Variants in VWA3B observed in about 807,000 individuals in gnomAD.
VWA3B encodes von Willebrand factor A domain containing 3B.
Under a neutral mutation model 158.3 loss-of-function variants are expected in VWA3B, and 138 were observed. The ratio of observed to expected loss-of-function variants is 0.87; its 90% CI spans 0.76 to 1.00. The LOEUF is 1.00. Among genes scored for constraint, VWA3B ranks in the 50% least tolerant of loss-of-function variants. The pLI is 0.00. For missense variants in VWA3B, 1,555 were observed against 1,565.1 expected (o/e 0.99, Z 0.11); for synonymous variants, 596 against 587.3 (o/e 1.01, Z -0.21).
rs893115567 is a variant in VWA3B, at chr2:98,145,175, G to A, written c.988+11236G>A. On this transcript the variant is annotated intron_variant, in intron 7 of 27. Transcript: ENST00000477737. ...CCCTGGCCTACAGTGTACCCTTTCC[G>A]TCTGTATACTCCAGACTTCTATTTT... Among the ~76,000 whole-genome samples, 65 of 152,248 alleles carry A rather than the reference G, an allele frequency of 4.3e-4. 1 individual carries two copies. Among genetic ancestry groups the A allele is most frequent in the South Asian group, 2.3e-3 (11 of 4,824 alleles).
At chr2:98,330,362 C>T in the VWA3B span, among the ~76,000 whole-genome samples, 1 of 152,122 alleles carries the variant, frequency 6.6e-6, no homozygotes, top group Non-Finnish European at 1.5e-5. Context: ...GAATAATTCT[C>T]TCTCCCCTCT....
Position 98,087,170 on chromosome 2 carries a change from G to C in VWA3B, c.-226G>C, listed in dbSNP as rs970368308. 9 of 152,246 alleles carry C rather than the reference G, an allele frequency of 5.9e-5. No individual in the cohort carries two copies. Among genetic ancestry groups the C allele is most frequent in the African/African-American group, 2.2e-4 (9 of 41,462 alleles). 9.4% of individuals were successfully genotyped at this position (152,246 alleles called of 1,614,324 possible). A position where few individuals can be genotyped will look rare whatever the true frequency, so the allele number is the denominator to read the frequency against. On this transcript the variant is annotated 5_prime_UTR_variant, in exon 1 of 28. Transcript: ENST00000477737. ...TCAACAGACCGCGCTCGGAACCAGA[G>C]GCGCGGGTCACAGAGACCTAGAACA... is the stretch of plus-strand genomic sequence containing the variant.
At chr2:98,162,701 G>A in intron 7 of VWA3B, 150 bp from the exon 8 acceptor site, 2 of 1,130,642 alleles carry the variant, frequency 1.8e-6, no homozygotes, top group South Asian at 1.6e-5. Flanking sequence ...TTTCAGTTCT[G>A]ATTCTCAGAA....
chr2:98,161,560 G>A (rs113200820), intron 7 of VWA3B, among the ~76,000 whole-genome samples: 15 of 152,374 alleles, frequency 9.8e-5, no homozygotes, highest in African/African-American at 3.4e-4. Context: ...AGGATAGAAA[G>A]AGTGTGGATC....
rs79688472 is a variant in VWA3B at position 98,100,705 on chromosome 2, G to A, written c.196+7417G>A. Among the ~76,000 whole-genome samples, 350 of 152,300 alleles carry A rather than the reference G, an allele frequency of 2.3e-3. 2 individuals are homozygous for A. The highest frequency in any genetic ancestry group is 8.1e-3 in the African/African-American group (338 of 41,562). ...CTGCTGCTGGATTTTCCTGTGTCAGGCCCTGTATTAGGGTCCAAGGTAAAG... is the reference window on the plus strand; with the variant it reads ...CTGCTGCTGGATTTTCCTGTGTCAGACCCTGTATTAGGGTCCAAGGTAAAG... On this transcript the variant is annotated intron_variant, in intron 2 of 27. Coordinates refer to ENST00000477737, the MANE Select transcript of VWA3B (RefSeq NM_144992.5).
intron 5 of VWA3B, among the ~76,000 whole-genome samples, chr2:98,122,717 C>T (rs1396954947): frequency 1.3e-5 from 2 of 152,180 alleles, no homozygotes; most frequent in East Asian, 1.9e-4. Flanking sequence ...CCTGTGGCCC[C>T]CTGACCTGAC....
At chr2:98,217,376 C>T (rs947097759) in intron 13 of VWA3B, among the ~76,000 whole-genome samples, 1 of 152,194 alleles carries the variant, frequency 6.6e-6, no homozygotes, top group Admixed American at 6.5e-5. Flanking sequence ...ATCCATTTCT[C>T]ACAGACCCTG....
chr2:98,111,094 C>T (rs1412721390), intron 2 of VWA3B, among the ~76,000 whole-genome samples: 1 of 152,132 alleles, frequency 6.6e-6, no homozygotes, highest in Non-Finnish European at 1.5e-5. Context: ...TGAAAATGGG[C>T]TAATACAACC....
Position 98,119,538 on chromosome 2 carries a change from A to G in VWA3B, c.317A>G (p.Tyr106Cys), listed in dbSNP as rs1362386893. The G allele has an allele frequency of 2.5e-6, 4 of 1,614,034 alleles. No homozygotes were observed. The highest frequency in any genetic ancestry group is 2.2e-5 in the South Asian group (2 of 91,076). The change falls in exon 4 of 28, where the codon TAT (tyrosine) becomes TGT (cysteine). Residue 106 changes from tyrosine (Y) to cysteine (C), a missense_variant. Transcript: ENST00000477737. ...YNLTAKSELI[Y>C]QFVEHLTQAV... The stretch of plus-strand genomic sequence containing the variant: ...CTGACAGCTAAATCAGAACTGATTT[A>G]TCAGTTTGTGGAACATTTAACACAA...
rs1458798813 is a variant in VWA3B, at chr2:98,128,167, G to A, written c.703-72G>A. ...TCTAAGAGATCGTTTTGTAGAATGG[G>A]TATTACTGATGAGACTAGTACCAAG... is the stretch of plus-strand genomic sequence containing the variant. On this transcript the variant is annotated intron_variant, in intron 5 of 27. Transcript: ENST00000477737. 2.6e-6 allele frequency: 4 copies of A among 1,542,354 alleles called. No homozygotes were observed. The African/African-American group carries it at 4.1e-5, about 16-fold the overall frequency.
chr2:98,312,891 T>C lies in VWA3B; in HGVS notation c.*542T>C, dbSNP rs573788046. ...TTGTCTATAGTCTGTTGTAGGTAAC[T>C]CTAATTGAGCCCGAAACCAGAATAA... On this transcript the variant is annotated 3_prime_UTR_variant, in exon 28 of 28. Coordinates refer to ENST00000477737, the MANE Select transcript of VWA3B (RefSeq NM_144992.5). 1 of 152,506 alleles carries C rather than the reference T, an allele frequency of 6.6e-6. No individual in the cohort carries two copies. The highest frequency in any genetic ancestry group is 2.4e-5 in the African/African-American group (1 of 41,578). 9.4% of individuals were successfully genotyped at this position (152,506 alleles called of 1,614,324 possible).
intron 7 of VWA3B, among the ~76,000 whole-genome samples, chr2:98,156,006 A>G (rs1311433340): frequency 6.6e-6 from 1 of 152,204 alleles, no homozygotes; most frequent in East Asian, 1.9e-4. Flanking sequence ...CTTTAAGAAT[A>G]TAGCTCCCTG....
intron 21 of VWA3B, among the ~76,000 whole-genome samples, chr2:98,261,647 C>T (rs1019074051): frequency 6.6e-6 from 1 of 151,660 alleles, no homozygotes; most frequent in African/African-American, 2.4e-5. Context: ...ATCTTGTCTT[C>T]ATTTTTGAAG....
At chr2:98,158,873 T>G (rs1028915451) in intron 7 of VWA3B, among the ~76,000 whole-genome samples, 37 of 152,236 alleles carry the variant, frequency 2.4e-4, no homozygotes, top group African/African-American at 7.9e-4. Context: ...CTTTGAACCC[T>G]GACCTCAATG....
chr2:98,292,833 G>A (rs371793753), intron 23 of VWA3B, among the ~76,000 whole-genome samples: 15 of 151,862 alleles, frequency 9.9e-5, no homozygotes, highest in Admixed American at 4.6e-4. Flanking sequence ...ACGTGGTGGC[G>A]GGCACCTGTA....
At chr2:98,209,785 G>A (rs1376375261) in intron 12 of VWA3B, among the ~76,000 whole-genome samples, 1 of 152,194 alleles carries the variant, frequency 6.6e-6, no homozygotes, top group Non-Finnish European at 1.5e-5. Flanking sequence ...GGTATAATGA[G>A]TGATTTTTAA....
In VWA3B at chr2:98,197,295, T is replaced by C. The variant is rs1220564556; in HGVS notation, c.1737+2803T>C. On this transcript the variant is annotated intron_variant, in intron 12 of 27. Coordinates refer to ENST00000477737, the MANE Select transcript of VWA3B (RefSeq NM_144992.5). ...GTGGATCACCTGAAGGCACACATGATGCTGATATGCTCTATGACCAGCAGT... is the reference window on the plus strand; with the variant it reads ...GTGGATCACCTGAAGGCACACATGACGCTGATATGCTCTATGACCAGCAGT... Among the ~76,000 whole-genome samples, 3 of 152,344 alleles carry C rather than the reference T, an allele frequency of 2.0e-5. No homozygotes were observed. The South Asian group carries it at 6.2e-4, about 32-fold the overall frequency.
chr2:98,142,976 A>G (rs551074748), intron 7 of VWA3B, among the ~76,000 whole-genome samples: 1 of 152,314 alleles, frequency 6.6e-6, no homozygotes, highest in East Asian at 1.9e-4. Flanking sequence ...TTATCACGTT[A>G]ACAATTTTAA....
At chr2:98,256,098 T>A in intron 20 of VWA3B, 26 bp from the exon 21 acceptor site, 1 of 1,612,286 alleles carries the variant, frequency 6.2e-7, no homozygotes, top group South Asian at 1.1e-5. Context: ...GCTACAAAAT[T>A]ATTGTTGACT....
Sources: allele counts gnomAD v4.1 joint callset (sites outside exome capture counted in the v4.1 genomes callset), GRCh38; gene constraint gnomAD v4.1.1; transcripts MANE v1.5; gene names NCBI Gene and HGNC (gene_info 2026-07-23, HGNC 2026-07-21).